Variants in COG8 observed in about 807,000 individuals in gnomAD.
The protein encoded by COG8 is conserved oligomeric Golgi complex subunit 8.
A neutral mutation model predicts 46.5 loss-of-function variants in COG8; 45 were observed. That is an observed-to-expected ratio of 0.97 (90% CI 0.76 to 1.24). The LOEUF is 1.24. COG8 is among the 50% of genes most tolerant of loss of function. COG8 has a pLI of 0.00. For missense variants in COG8, 793 were observed against 820.8 expected (o/e 0.97, Z 0.41); for synonymous variants, 407 against 347.8 (o/e 1.17, Z -1.90).
Position 69,335,363 on chromosome 16 carries a change from A to G in COG8, c.586-15T>C, listed in dbSNP as rs2012152291. ...TTCACGATGCCCTGACAATACACAG[A>G]GAGAGTCACACTGCGCTGGGAAGGA... is the stretch of plus-strand genomic sequence containing the variant. On this transcript the variant is annotated splice_polypyrimidine_tract_variant and intron_variant, in intron 2 of 5. Transcript: ENST00000306875. The G allele has an allele frequency of 6.4e-7, 1 of 1,573,640 alleles. No homozygotes were observed. The highest frequency in any genetic ancestry group is 1.7e-4 in the Middle Eastern group (1 of 6,032).
intron 4 of COG8, among the ~76,000 whole-genome samples, chr16:69,332,275 G>C (rs113161132): frequency 6.6e-6 from 1 of 152,076 alleles, no homozygotes. Flanking sequence ...GCTTGAACCC[G>C]GGAGGTGGAG....
In COG8 at chr16:69,328,670, G is replaced by A. The variant is rs1404460305; in HGVS notation, c.*536C>T. 8.9e-6 allele frequency: 2 copies of A among 225,838 alleles called. No individual in the cohort carries two copies. Among genetic ancestry groups the A allele is most frequent in the Non-Finnish European group, 1.7e-5 (2 of 115,510 alleles). The allele number at this position is 225,838 out of a possible 1,614,324, so 14.0% of individuals were successfully genotyped here. Reference sequence around the variant, plus strand: ...TTTAAAGACAGCTTTCAGGTATTTGGGGACTACATTATTACCAAACCTTGG... The same window carrying A: ...TTTAAAGACAGCTTTCAGGTATTTGAGGACTACATTATTACCAAACCTTGG... On this transcript the variant is annotated 3_prime_UTR_variant, in exon 6 of 6. Transcript: ENST00000306875.
In COG8 at chr16:69,330,079, G is replaced by A. The variant is rs138307515; in HGVS notation, c.*26+734C>T. 0.011 allele frequency: 17,675 copies of A among 1,570,000 alleles called. 125 individuals are homozygous for A. Among genetic ancestry groups the A allele is most frequent in the Non-Finnish European group, 0.014 (15,705 of 1,160,184 alleles). ...CGCAGCCCTCGGGAAAGGTGACCAG[G>A]CGGCTGTCAAGCACTCGCAGGCTGG... On this transcript the variant is annotated intron_variant, in intron 5 of 5. Transcript: ENST00000306875.
chr16:69,327,262 G>C lies in COG8; in HGVS notation c.*1944C>G, dbSNP rs1206556021. 6.8e-6 allele frequency: 1 copy of C among 146,774 alleles called. No homozygotes were observed. Among genetic ancestry groups the C allele is most frequent in the Non-Finnish European group, 1.5e-5 (1 of 67,226 alleles). 9.1% of individuals were successfully genotyped at this position (146,774 alleles called of 1,614,324 possible). On this transcript the variant is annotated 3_prime_UTR_variant, in exon 6 of 6. Transcript: ENST00000306875. ...AGCCCACTGCAACCTCTGCCTCCCAGGTTTGAGCGATTCTCCCGCCTCAGC... is the reference window on the plus strand; with the variant it reads ...AGCCCACTGCAACCTCTGCCTCCCACGTTTGAGCGATTCTCCCGCCTCAGC...
In COG8 at chr16:69,332,790, G is replaced by C. The variant is rs760887437; in HGVS notation, c.1506C>G (p.Phe502Leu). The C allele has an allele frequency of 6.2e-6, 10 of 1,614,166 alleles. No homozygotes were observed. Among genetic ancestry groups the C allele is most frequent in the East Asian group, 2.2e-5 (1 of 44,890 alleles). Residue 502 changes from phenylalanine to leucine, a missense_variant, in exon 4 of 6, where the codon TTC becomes TTG. Physicochemically the swap from Phe to Leu is conservative, Grantham distance 22. Transcript: ENST00000306875. ...QELFVQFCTV[F>L]LEDLVPYLNR... ...TTAAATACGGAACAAGGTCTTCCAG[G>C]AAGACAGTGCAGAACTGGACAAAGA...
In COG8 at chr16:69,339,547, C is replaced by T. The variant is rs142062440; in HGVS notation, c.6G>A (p.Ala2=). The change falls in exon 1 of 6, where the codon GCG becomes GCA. Residue 2 remains alanine, a synonymous_variant. Coordinates refer to ENST00000306875, the MANE Select transcript of COG8 (RefSeq NM_032382.5). Reference sequence around the variant, plus strand: ...CTACCGATGGGATAGTCGCCGCGGTCGCCATCTTCCCAGCAACAACGTCAC... The same window carrying T: ...CTACCGATGGGATAGTCGCCGCGGTTGCCATCTTCCCAGCAACAACGTCAC... M[A]TAATIPSVAT... is the part of the protein sequence containing the mutation. The T allele has an allele frequency of 1.9e-6, 3 of 1,608,856 alleles. No homozygotes were observed. Among genetic ancestry groups the T allele is most frequent in the African/African-American group, 2.7e-5 (2 of 74,872 alleles).
chr16:69,329,202 G>T, intron 5 of COG8, 23 bp from the exon 6 acceptor site: 2 of 1,564,932 alleles, frequency 1.3e-6, no homozygotes, highest in Non-Finnish European at 8.6e-7. Context: ...TTACAGCCCT[G>T]GTGAGTGGGA....
At chr16:69,330,323 T>C in intron 5 of COG8, 1 of 1,445,938 alleles carries the variant, frequency 6.9e-7, no homozygotes, top group Admixed American at 2.8e-5. Context: ...CTGCGCCCGC[T>C]CCACCGGGGC....
chr16:69,334,738 A>G lies in COG8; in HGVS notation c.1196T>C (p.Leu399Pro). 6.2e-7 allele frequency: 1 copy of G among 1,614,128 alleles called. No individual in the cohort carries two copies. The highest frequency in any genetic ancestry group is 8.5e-7 in the Non-Finnish European group (1 of 1,180,032). Residue 399 changes from leucine to proline, a missense_variant, in exon 3 of 6, where the codon CTC (leucine) becomes CCC (proline). By Grantham distance (98) the Leu-to-Pro change is moderately conservative. Coordinates refer to ENST00000306875, the MANE Select transcript of COG8 (RefSeq NM_032382.5). ...KFQEEMNSYM[L>P]ISAPAILGTS... is the part of the protein sequence containing the mutation. ...GCCCAGGATGGCTGGAGCCGAGATG[A>G]GCATGTAGGAGTTCATTTCTTCCTG... is the stretch of plus-strand genomic sequence containing the variant.
chr16:69,336,804 G>A, intron 1 of COG8, 92 bp from the exon 2 acceptor site: 1 of 1,117,010 alleles, frequency 9.0e-7, no homozygotes, highest in Non-Finnish European at 1.4e-6. Flanking sequence ...CATTGGGCTG[G>A]ATGATCTATC....
chr16:69,335,726 G>C (rs2012169491), intron 2 of COG8, among the ~76,000 whole-genome samples: 1 of 150,828 alleles, frequency 6.6e-6, no homozygotes, highest in South Asian at 2.1e-4. Context: ...AGAGGCAGGA[G>C]AATCACTTGA....
intron 1 of COG8, 160 bp downstream of exon 1, chr16:69,339,016 A>G (rs1310888493): frequency 3.1e-6 from 3 of 968,502 alleles, no homozygotes; most frequent in South Asian, 1.5e-5. Context: ...AAGGAATAAC[A>G]GTACCTATCT....
At chr16:69,339,121 C>G (rs148403791) in intron 1 of COG8, 55 bp downstream of exon 1, 33 of 1,611,018 alleles carry the variant, frequency 2.0e-5, no homozygotes, top group African/African-American at 8.0e-5. Context: ...TTTCTACCAT[C>G]GTAAATGTCA....
At position 69,339,077 on chromosome 16, in the gene COG8, C is replaced by T. The variant is rs2142661210; in HGVS notation, c.377+99G>A. ...GATTAATAAAGCGCTCAGCAGAGAA[C>T]CTGGAACGTGGTAAACGCTTTATGT... On this transcript the variant is annotated intron_variant, in intron 1 of 5. Transcript: ENST00000306875. 3.2e-6 allele frequency: 5 copies of T among 1,549,292 alleles called. No homozygotes were observed. In the South Asian group the frequency reaches 3.4e-5, roughly 10 times the overall value.
chr16:69,330,930 G>T lies in COG8; in HGVS notation c.1748C>A (p.Ala583Asp). The change falls in exon 5 of 6, where the codon GCC (alanine) becomes GAC (aspartate). Residue 583 changes from alanine to aspartate, a missense_variant. Transcript: ENST00000306875. ...ELTAPAPEPP[A>D]EEPRLEPAGP... ...CGCGGGCTCCAGGCGTGGCTCCTCG[G>T]CGGGAGGCTCTGGTGCTGGAGCTGT... 1 of 1,558,964 alleles carries T rather than the reference G, an allele frequency of 6.4e-7. No individual in the cohort carries two copies. The highest frequency in any genetic ancestry group is 8.7e-7 in the Non-Finnish European group (1 of 1,151,868).
At chr16:69,329,456 A>C (rs1014514961) in intron 5 of COG8, among the ~76,000 whole-genome samples, 2 of 151,868 alleles carry the variant, frequency 1.3e-5, no homozygotes, top group African/African-American at 4.8e-5. Context: ...CCTTCCGAAC[A>C]CTCCTCCCAC....
chr16:69,330,983 C>G lies in COG8; in HGVS notation c.1695G>C (p.Leu565=), dbSNP rs2011782692. 1 of 1,604,628 alleles carries G rather than the reference C, an allele frequency of 6.2e-7. No homozygotes were observed. The highest frequency in any genetic ancestry group is 1.7e-5 in the Admixed American group (1 of 58,338). The change falls in exon 5 of 6, where the codon CTG becomes CTC. Residue 565 remains leucine, a synonymous_variant. Coordinates refer to ENST00000306875, the MANE Select transcript of COG8 (RefSeq NM_032382.5). ...GCTCGGGCCCCAGCGCCTGGTCATC[C>G]AGGGTGAAAAGCGTCTCTCTCTTTG... The part of the protein sequence containing the change: ...ILPKRETLFT[L]DDQALGPELT...
In COG8 at chr16:69,327,303, G is replaced by A. The variant is rs1965625960; in HGVS notation, c.*1903C>T. 1 of 151,618 alleles carries A rather than the reference G, an allele frequency of 6.6e-6. No individual in the cohort carries two copies. The highest frequency in any genetic ancestry group is 1.5e-5 in the Non-Finnish European group (1 of 67,986). The allele number at this position is 151,618 out of a possible 1,614,324, so 9.4% of individuals were successfully genotyped here. ...CCGCCTCAGCCTCCCAAGTAGCTGTGATTACAGGCGCCTACCAGCACACCC... is the reference window on the plus strand; with the variant it reads ...CCGCCTCAGCCTCCCAAGTAGCTGTAATTACAGGCGCCTACCAGCACACCC... On this transcript the variant is annotated 3_prime_UTR_variant, in exon 6 of 6. Coordinates refer to ENST00000306875, the MANE Select transcript of COG8 (RefSeq NM_032382.5).
chr16:69,336,533 C>T lies in COG8; in HGVS notation c.557G>A (p.Arg186Lys). ...ELAAYVRRLE[R>K]KYSSIPVIQG... ...GATGACAGGGATGGAAGAGTATTTC[C>T]TCTCCAGTCGGCGTACGTAGGCTGC... The change falls in exon 2 of 6, where the codon AGG (arginine) becomes AAG (lysine). Residue 186 changes from arginine (R) to lysine (K), a missense_variant. Coordinates refer to ENST00000306875, the MANE Select transcript of COG8 (RefSeq NM_032382.5). The T allele has an allele frequency of 6.2e-7, 1 of 1,614,166 alleles. No individual in the cohort carries two copies. The highest frequency in any genetic ancestry group is 8.5e-7 in the Non-Finnish European group (1 of 1,180,032).
Sources: gnomAD v4.1 joint callset for allele counts (sites outside exome capture counted in the v4.1 genomes callset) on GRCh38, gnomAD v4.1.1 for gene constraint, MANE v1.5 for transcripts, NCBI Gene and HGNC (gene_info 2026-07-23, HGNC 2026-07-21) for gene names.